RBFOX1: variants seen among roughly 807,000 people sequenced by gnomAD.
RBFOX1 encodes the protein RNA binding protein fox-1 homolog 1.
In RBFOX1, 8 loss-of-function variants were observed where a neutral mutation model predicts 57.7. The observed-to-expected ratio is 0.14, with a 90% CI of 0.08 to 0.25. The LOEUF is 0.25. Among genes scored for constraint, RBFOX1 ranks in the 10% least tolerant of loss-of-function variants. The probability of loss-of-function intolerance (pLI) is 1.00; values close to 1 mark genes in which losing one functional copy is unlikely to be tolerated. For synonymous variants in RBFOX1, 326 were observed against 222.4 expected (o/e 1.47, Z -4.15); for missense variants, 611 against 548.5 (o/e 1.11, Z -1.14).
intron 3 of RBFOX1, among the ~76,000 whole-genome samples, chr16:6,760,932 C>T (rs918526067): frequency 6.6e-6 from 1 of 152,124 alleles, no homozygotes; most frequent in African/African-American, 2.4e-5. Context: ...TCAATGCCAC[C>T]CATCAGGATC....
At chr16:6,605,604 G>A (rs76987440) in intron 2 of RBFOX1, among the ~76,000 whole-genome samples, 3 of 152,150 alleles carry the variant, frequency 2.0e-5, no homozygotes, top group African/African-American at 4.8e-5. Flanking sequence ...TACTTTACAT[G>A]TAGTGACTTC....
chr16:6,980,620 C>T (rs750829077), intron 3 of RBFOX1, among the ~76,000 whole-genome samples: 24 of 152,136 alleles, frequency 1.6e-4, no homozygotes, highest in Non-Finnish European at 1.5e-4. Context: ...AGCTGAAAAA[C>T]TCCAATTATC....
At chr16:6,061,255 AG>A (rs1315943477) in intron 1 of RBFOX1, among the ~76,000 whole-genome samples, 1 of 152,176 alleles carries the variant, frequency 6.6e-6, no homozygotes. Context: ...TAGTGTGCGA[AG>A]TTACCAAACA....
intron 3 of RBFOX1, among the ~76,000 whole-genome samples, chr16:6,706,079 C>T (rs182613363): frequency 9.2e-5 from 14 of 152,300 alleles, no homozygotes; most frequent in Admixed American, 5.9e-4. Context: ...CCACCTTTCA[C>T]GCCTATTAAA....
chr16:6,159,168 C>T (rs528743551), intron 1 of RBFOX1, among the ~76,000 whole-genome samples: 12 of 152,250 alleles, frequency 7.9e-5, no homozygotes, highest in African/African-American at 2.9e-4. Flanking sequence ...CCTCTGCCTC[C>T]CAGGTTCAAG....
intron 3 of RBFOX1, among the ~76,000 whole-genome samples, chr16:5,762,468 T>TG (rs2053625759): frequency 6.6e-6 from 1 of 152,126 alleles, no homozygotes; most frequent in Admixed American, 6.5e-5. Context: ...CAACCTTTTG[T>TG]GGGGCAGTTT....
At chr16:5,452,537 C>G (rs2068458962) in intron 1 of RBFOX1, among the ~76,000 whole-genome samples, 1 of 152,118 alleles carries the variant, frequency 6.6e-6, no homozygotes, top group African/African-American at 2.4e-5. Flanking sequence ...CTGTTAGCAC[C>G]CATTTCAACA....
chr16:6,539,164 TCTC>T (rs1322475167), intron 2 of RBFOX1, among the ~76,000 whole-genome samples: 1 of 152,088 alleles, frequency 6.6e-6, no homozygotes, highest in Non-Finnish European at 1.5e-5. Flanking sequence ...TGACTGTTCT[TCTC>T]CTTGGCGGGA....
chr16:6,745,683 A>T (rs1449988967), intron 3 of RBFOX1, among the ~76,000 whole-genome samples: 1 of 152,228 alleles, frequency 6.6e-6, no homozygotes, highest in Non-Finnish European at 1.5e-5. Flanking sequence ...ATGTATAGCT[A>T]ATATCATGCT....
intron 4 of RBFOX1, among the ~76,000 whole-genome samples, chr16:7,163,824 T>C (rs1465304120): frequency 1.3e-5 from 2 of 152,064 alleles, no homozygotes; most frequent in Non-Finnish European, 2.9e-5. Flanking sequence ...ACCCAGCTAA[T>C]TTTTGTATTG....
chr16:5,402,958 C>T (rs1335453540), intron 1 of RBFOX1, among the ~76,000 whole-genome samples: 5 of 152,212 alleles, frequency 3.3e-5, no homozygotes, highest in East Asian at 1.9e-4. Context: ...TTTTGGAATT[C>T]ATCGCACAGT....
intron 3 of RBFOX1, among the ~76,000 whole-genome samples, chr16:6,966,155 C>T (rs987133288): frequency 6.6e-6 from 1 of 152,092 alleles, no homozygotes; most frequent in Non-Finnish European, 1.5e-5. Context: ...TAAAAGGAGA[C>T]ATTTACGCTC....
At chr16:7,507,389 C>A (rs7205027) in intron 4 of RBFOX1, among the ~76,000 whole-genome samples, 3,981 of 152,028 alleles carry the variant, frequency 0.026, 193 homozygotes, top group African/African-American at 0.09. Flanking sequence ...GGTCTTACAG[C>A]CTAAGAGATC....
Position 5,946,030 on chromosome 16 carries a change from G to T in RBFOX1, c.351+78695G>T, listed in dbSNP as rs975948475. Among the ~76,000 whole-genome samples the T allele has an allele frequency of 6.6e-6, 1 of 152,182 alleles. No homozygotes were observed. Among genetic ancestry groups the T allele is most frequent in the Admixed American group, 6.5e-5 (1 of 15,280 alleles). On this transcript the variant is annotated intron_variant, in intron 4 of 19. Transcript: ENST00000641259. This position sits in a 1 kb window ranked among gnomAD's most constrained non-coding sequence, Gnocchi z 4.6. ...CCACATTGGGTTTAAAAAGAGAAAA[G>T]AAGTCTGCTTTGTTTGCTAGTAAAG...
chr16:7,130,777 C>T (rs185467192), intron 4 of RBFOX1, among the ~76,000 whole-genome samples: 42 of 152,220 alleles, frequency 2.8e-4, no homozygotes, highest in African/African-American at 6.3e-4. Flanking sequence ...ATTTTGTCAA[C>T]GCATTTCTTT....
intron 3 of RBFOX1, among the ~76,000 whole-genome samples, chr16:6,706,053 T>G (rs754645608): frequency 4.6e-5 from 7 of 152,150 alleles, no homozygotes; most frequent in Non-Finnish European, 1.0e-4. Context: ...ATAGGTTAGA[T>G]GGACAGAATT....
chr16:6,977,148 A>G lies in RBFOX1; in HGVS notation c.-15-74909A>G, dbSNP rs2087208173. On this transcript the variant is annotated intron_variant, in intron 3 of 15. Coordinates refer to ENST00000550418, the MANE Select transcript of RBFOX1 (RefSeq NM_018723.4). ...CATATATATGATATATATTATATAT[A>G]TCATATATATCATATATTATCATAT... Among the ~76,000 whole-genome samples the G allele has an allele frequency of 4.8e-5, 5 of 103,764 alleles. No homozygotes were observed. The South Asian group carries it at 1.6e-3, about 33-fold the overall frequency. 68.1% of individuals were successfully genotyped at this position (103,764 alleles called of 152,430 possible).
intron 3 of RBFOX1, among the ~76,000 whole-genome samples, chr16:6,885,536 T>C (rs1319869105): frequency 7.4e-6 from 1 of 134,654 alleles, no homozygotes; most frequent in East Asian, 2.2e-4. Context: ...TTTTTTATTT[T>C]TTTTATTTTT....
Position 7,097,527 on chromosome 16 carries a change from A to G in RBFOX1, c.27+45429A>G, listed in dbSNP as rs143144378. Among the ~76,000 whole-genome samples, 431 of 152,278 alleles carry G rather than the reference A, an allele frequency of 2.8e-3. 2 individuals carry two copies. Among genetic ancestry groups the G allele is most frequent in the African/African-American group, 9.7e-3 (404 of 41,550 alleles). ...TGTTTTAATTGAGAAGTGTTAGAGA[A>G]TTGTGGAATCATTTCTTTCTAGGAT... On this transcript the variant is annotated intron_variant, in intron 4 of 15. Transcript: ENST00000550418.
Sources: gnomAD v4.1 joint callset for allele counts (sites outside exome capture counted in the v4.1 genomes callset) on GRCh38, gnomAD v4.1.1 for gene constraint, Gnocchi (gnomAD v3.1) non-coding constraint, MANE v1.5 for transcripts, NCBI Gene and HGNC (gene_info 2026-07-23, HGNC 2026-07-21) for gene names.